Variants in NSMAF observed in about 807,000 individuals in gnomAD.
NSMAF encodes neutral sphingomyelinase activation associated factor.
Under a neutral mutation model 134.9 loss-of-function variants are expected in NSMAF, and 90 were observed. The ratio of observed to expected loss-of-function variants is 0.67; its 90% CI spans 0.56 to 0.79. The LOEUF (loss-of-function observed/expected upper bound fraction) is 0.79, where lower values mean the gene tolerates loss of function less well. Among genes scored for constraint, NSMAF ranks in the 30% least tolerant of loss-of-function variants. NSMAF has a pLI of 0.00. For synonymous variants in NSMAF, 358 were observed against 389.6 expected, an observed-to-expected ratio of 0.92 and a Z score of 0.96; for missense variants, 1,010 against 1,119.0, an observed-to-expected ratio of 0.90 and a Z score of 1.39.
chr8:58,597,314 T>A (rs1315466163), intron 21 of NSMAF, 73 bp downstream of exon 21: 12 of 1,343,128 alleles, frequency 8.9e-6, no homozygotes, highest in Non-Finnish European at 1.2e-5. Context: ...ACGTCTTATC[T>A]CCTCTTCAGA....
At chr8:58,631,684 A>C in intron 5 of NSMAF, 138 bp from the exon 6 acceptor site, 1 of 502,364 alleles carries the variant, frequency 2.0e-6, no homozygotes, top group South Asian at 3.6e-5. Flanking sequence ...TATTTGCTTT[A>C]GTATTAGTAC....
At position 58,635,487 on chromosome 8, in the gene NSMAF, A is replaced by T; in HGVS notation, c.209T>A (p.Ile70Lys). ...ATTTACCTTGATGATGGGCTGGGAT[A>T]TTGAATCTGGTTCAAAAATCACCGA... is the stretch of plus-strand genomic sequence containing the variant. ...SKSVIFEPDS[I>K]SQPIIKIPLR... is the part of the protein sequence containing the mutation. Residue 70 changes from isoleucine (I) to lysine (K), a missense_variant, in exon 3 of 31, where the codon ATA becomes AAA. Coordinates refer to ENST00000038176, the MANE Select transcript of NSMAF (RefSeq NM_003580.4). 1 of 1,605,360 alleles carries T rather than the reference A, an allele frequency of 6.2e-7. No individual in the cohort carries two copies. The highest frequency in any genetic ancestry group is 8.5e-7 in the Non-Finnish European group (1 of 1,176,960).
In NSMAF at chr8:58,595,578, T is replaced by C; in HGVS notation, c.1874A>G (p.His625Arg). ...TTCTTACTCTTTGTGGATTTTATAG[T>C]GCTCGTGTAACTGCAGTTTGGTGAT... The part of the protein sequence containing the change: ...NNITKLQLHE[H>R]YKIHKEAVTG... The change falls in exon 22 of 31, where the codon CAC becomes CGC. Residue 625 changes from histidine (H) to arginine (R), a missense_variant. His to Arg is a conservative substitution (Grantham distance 29). Transcript: ENST00000038176. The C allele has an allele frequency of 1.2e-6, 2 of 1,613,504 alleles. No homozygotes were observed. Among genetic ancestry groups the C allele is most frequent in the Non-Finnish European group, 1.7e-6 (2 of 1,179,384 alleles).
intron 9 of NSMAF, among the ~76,000 whole-genome samples, chr8:58,613,149 A>G (rs1220425200): frequency 6.6e-6 from 1 of 152,222 alleles, no homozygotes; most frequent in African/African-American, 2.4e-5. Flanking sequence ...TAGAAATTAT[A>G]AACATCTAAA....
intron 2 of NSMAF, among the ~76,000 whole-genome samples, chr8:58,639,725 T>C (rs1270020870): frequency 6.6e-6 from 1 of 151,992 alleles, no homozygotes; most frequent in Non-Finnish European, 1.5e-5. Context: ...GATAGATTAA[T>C]GAATAAAGAA....
In NSMAF at chr8:58,641,109, C is replaced by T. The variant is rs113231777; in HGVS notation, c.149+1875G>A. 2.1e-3 allele frequency among the ~76,000 whole-genome samples: 320 copies of T among 152,010 alleles called. 2 individuals are homozygous for T. Among genetic ancestry groups the T allele is most frequent in the African/African-American group, 7.2e-3 (299 of 41,444 alleles). ...GCTAATTTTTGTATTTTAGCAGAGA[C>T]GAGGTTTCACCGTGTTGGCCAGGCT... On this transcript the variant is annotated intron_variant, in intron 2 of 30. Coordinates refer to ENST00000038176, the MANE Select transcript of NSMAF (RefSeq NM_003580.4).
rs200380091 is a variant in NSMAF, at chr8:58,623,790, AG to A, written c.385-11del. On this transcript the variant is annotated splice_polypyrimidine_tract_variant and intron_variant, in intron 6 of 30. Transcript: ENST00000038176. ...CATATTCCATTTTGCCCTAACAAAA[AG>A]GGGAAGATATCAAAATACAGGAAGA... The A allele has an allele frequency of 6.2e-7, 1 of 1,607,274 alleles. No individual in the cohort carries two copies. Among genetic ancestry groups the A allele is most frequent in the Admixed American group, 1.7e-5 (1 of 59,946 alleles).
At chr8:58,642,633 C>T (rs994785891) in intron 2 of NSMAF, among the ~76,000 whole-genome samples, 26 of 152,150 alleles carry the variant, frequency 1.7e-4, no homozygotes, top group African/African-American at 6.3e-4. Context: ...GACTGGAGTC[C>T]TATCAAGCTT....
At chr8:58,598,490 CAAAAAAAAAAAAAA>C (rs71250204) in intron 19 of NSMAF, among the ~76,000 whole-genome samples, 72,274 of 127,958 alleles carry the variant, frequency 0.56, 19,520 homozygotes, top group Middle Eastern at 0.71. Flanking sequence ...CTGTCTCAAA[CAAAAAAAAAAAAAA>C]AAAAAAAGAA....
intron 6 of NSMAF, among the ~76,000 whole-genome samples, chr8:58,630,385 TACTCAGAC>T (rs1212691361): frequency 6.6e-6 from 1 of 152,074 alleles, no homozygotes; most frequent in Admixed American, 6.5e-5. Flanking sequence ...AGCTTTTCTT[TACTCAGAC>T]AACCTCACTT....
In NSMAF at chr8:58,583,772, C is replaced by T; in HGVS notation, c.*334G>A. On this transcript the variant is annotated 3_prime_UTR_variant, in exon 31 of 31. Transcript: ENST00000038176. ...TTTCTTGGAAAATTTCTTAATTGTT[C>T]AGTGCTTTCTGACAAGTTTCCCCAG... 3.5e-6 allele frequency: 1 copy of T among 283,788 alleles called. No individual in the cohort carries two copies. Among genetic ancestry groups the T allele is most frequent in the Non-Finnish European group, 6.7e-6 (1 of 148,986 alleles). 17.6% of individuals were successfully genotyped at this position (283,788 alleles called of 1,614,324 possible). A position where few individuals can be genotyped will look rare whatever the true frequency, so the allele number is the denominator to read the frequency against.
At position 58,587,712 on chromosome 8, in the gene NSMAF, A is replaced by C. The variant is rs1805923171; in HGVS notation, c.2212-11T>G. On this transcript the variant is annotated splice_polypyrimidine_tract_variant and intron_variant, in intron 26 of 30. Coordinates refer to ENST00000038176, the MANE Select transcript of NSMAF (RefSeq NM_003580.4). ...AACACCAGACCACACCTAGGATGGAACATATTGCAGAAGGTATTTTCAAAC... is the reference window on the plus strand; with the variant it reads ...AACACCAGACCACACCTAGGATGGACCATATTGCAGAAGGTATTTTCAAAC... 2 of 1,610,682 alleles carry C rather than the reference A, an allele frequency of 1.2e-6. No homozygotes were observed. The highest frequency in any genetic ancestry group is 1.7e-6 in the Non-Finnish European group (2 of 1,177,744).
At chr8:58,652,302 T>C (rs563859173) in intron 1 of NSMAF, among the ~76,000 whole-genome samples, 13 of 152,232 alleles carry the variant, frequency 8.5e-5, no homozygotes, top group African/African-American at 3.1e-4. Context: ...GAAGAGAAGG[T>C]GGCCTCCTGC....
At chr8:58,607,689 T>C in intron 11 of NSMAF, 80 bp downstream of exon 11, 1 of 1,044,140 alleles carries the variant, frequency 9.6e-7, no homozygotes, top group Non-Finnish European at 1.5e-6. Flanking sequence ...AGACATCCCA[T>C]AAGTGTTTAC....
At chr8:58,601,652 T>C in intron 14 of NSMAF, 117 bp from the exon 15 acceptor site, 2 of 1,336,590 alleles carry the variant, frequency 1.5e-6, no homozygotes, top group Non-Finnish European at 2.0e-6. Context: ...CCTTAATTTC[T>C]CTGTTAGATA....
intron 1 of NSMAF, among the ~76,000 whole-genome samples, chr8:58,653,817 A>C (rs1479225464): frequency 6.6e-6 from 1 of 152,224 alleles, no homozygotes; most frequent in Non-Finnish European, 1.5e-5. Flanking sequence ...CACACTAAAA[A>C]AATTTTTAAT....
rs1356475709 is a variant in NSMAF at position 58,635,316 on chromosome 8, T to C, written c.285A>G (p.Arg95=). The change falls in exon 4 of 31, where the codon AGA becomes AGG. Residue 95 remains arginine, a synonymous_variant. Transcript: ENST00000038176. ...TGAAAATGACATACTTTGTGAAGTG[T>C]CTATTGGCTCCATTTTCTCCATGCT... The part of the protein sequence containing the change: ...IGKHGENGAN[R]HFTKAKSGGI... 1 of 1,610,568 alleles carries C rather than the reference T, an allele frequency of 6.2e-7. No homozygotes were observed. Among genetic ancestry groups the C allele is most frequent in the African/African-American group, 1.3e-5 (1 of 74,752 alleles).
At chr8:58,590,409 C>T (rs1487159325) in intron 24 of NSMAF, among the ~76,000 whole-genome samples, 1 of 152,216 alleles carries the variant, frequency 6.6e-6, no homozygotes, top group Non-Finnish European at 1.5e-5. Context: ...AAAATACCCC[C>T]TCTGGACTAC....
chr8:58,601,997 A>T, intron 14 of NSMAF, 61 bp downstream of exon 14: 1 of 1,346,592 alleles, frequency 7.4e-7, no homozygotes, highest in South Asian at 1.2e-5. Context: ...TTCCTTCCAT[A>T]AAAACACAGG....
Sources: allele counts gnomAD v4.1 joint callset (sites outside exome capture counted in the v4.1 genomes callset), GRCh38; gene constraint gnomAD v4.1.1; transcripts MANE v1.5; gene names NCBI Gene and HGNC (gene_info 2026-07-23, HGNC 2026-07-21).